The following OTOF variants were observed in gnomAD, a reference collection of about 807,000 sequenced individuals.
OTOF encodes fer-1-like family member 2.
OTOF carries 218 observed loss-of-function variants against 236.8 expected under a neutral mutation model. The observed-to-expected ratio is 0.92, with a 90% CI of 0.82 to 1.03. The LOEUF is 1.03. OTOF is among the 50% of genes least tolerant of loss of function. The pLI, the probability that OTOF is intolerant of heterozygous loss-of-function variation, is 0.00. For missense variants in OTOF, 2,590 were observed against 2,694.4 expected (o/e 0.96, Z 0.86); for synonymous variants, 1,041 against 1,072.5 (o/e 0.97, Z 0.57).
chr2:26,469,945 G>A (rs181001042), intron 32 of OTOF, among the ~76,000 whole-genome samples: 17 of 152,310 alleles, frequency 1.1e-4, no homozygotes, highest in African/African-American at 3.4e-4. Flanking sequence ...GGTAGGCAGC[G>A]TGGAGAGGAC....
chr2:26,463,615 C>G, intron 40 of OTOF, 44 bp from the exon 41 acceptor site: 1 of 1,477,044 alleles, frequency 6.8e-7, no homozygotes, highest in Non-Finnish European at 9.3e-7. Flanking sequence ...CCTTCTCCCT[C>G]TGCCCAGGAA....
Position 26,477,206 on chromosome 2 carries a change from T to C in OTOF, c.2489A>G (p.Asn830Ser). The change falls in exon 21 of 47, where the codon AAC becomes AGC. Residue 830 changes from asparagine to serine, a missense_variant. This residue lies in a region of OTOF where 1,379 missense variants were observed against 1,341.6 expected (regional missense o/e 1.03). Transcript: ENST00000272371. This position sits in a 1 kb window ranked among gnomAD's most constrained non-coding sequence, Gnocchi z 4.7. ...TVRDKLRLCQNFLQKLRFLAD... is the reference protein window; with the variant it reads ...TVRDKLRLCQSFLQKLRFLAD... ...CAGGAAGCGCAGCTTCTGCAGGAAG[T>C]TCTGGCACAGCCTCAGCTTGTCCCG... The C allele has an allele frequency of 1.9e-6, 3 of 1,610,876 alleles. No homozygotes were observed. The highest frequency in any genetic ancestry group is 2.5e-6 in the Non-Finnish European group (3 of 1,179,640).
rs1332922463 is a variant in OTOF at position 26,464,077 on chromosome 2, C to T, written c.4990G>A (p.Ala1664Thr). 2 of 1,613,538 alleles carry T rather than the reference C, an allele frequency of 1.2e-6. No homozygotes were observed. The highest frequency in any genetic ancestry group is 2.7e-5 in the African/African-American group (2 of 74,944). ...TCCCAGTGCCTCAGGGCCAACAGCG[C>T]CACATGCTCGTCTGTGGGCTTCCTC... ...GQRKPTDEHV[A>T]LLALRHWEDI... Residue 1664 changes from alanine (A) to threonine (T), a missense_variant, in exon 40 of 47, where the codon GCG becomes ACG. Around this residue, in one of 2 missense-constraint regions of OTOF, gnomAD observed 1,211 missense variants for 1,352.8 expected, o/e 0.90. Coordinates refer to ENST00000272371, the MANE Select transcript of OTOF (RefSeq NM_194248.3).
chr2:26,520,802 C>T (rs1000947588), intron 3 of OTOF, among the ~76,000 whole-genome samples: 12 of 152,148 alleles, frequency 7.9e-5, no homozygotes, highest in African/African-American at 1.9e-4. Context: ...ACCACGGGCA[C>T]GAAAAAATAC....
chr2:26,558,547 T>C lies in OTOF; in HGVS notation c.25A>G (p.Thr9Ala), dbSNP rs764457788. The change falls in exon 1 of 47, where the codon ACA becomes GCA. Residue 9 changes from threonine (T) to alanine (A), a missense_variant. Around this residue, in one of 2 missense-constraint regions of OTOF, gnomAD observed 1,379 missense variants for 1,341.6 expected, o/e 1.03. Transcript: ENST00000272371. ...CCCCTGCCCCGCAGCTCCGAGACTG[T>C]CTTGAGGTGGATGAGCAAGGCCATG... is the stretch of plus-strand genomic sequence containing the variant. MALLIHLK[T>A]VSELRGRGDR... is the part of the protein sequence containing the mutation. 5.6e-6 allele frequency: 9 copies of C among 1,613,828 alleles called. No homozygotes were observed. Among genetic ancestry groups the C allele is most frequent in the Non-Finnish European group, 7.6e-6 (9 of 1,179,912 alleles).
chr2:26,509,491 G>C (rs533971488), intron 5 of OTOF, among the ~76,000 whole-genome samples: 1 of 152,140 alleles, frequency 6.6e-6, no homozygotes, highest in Non-Finnish European at 1.5e-5. Flanking sequence ...TTGCTTGTGC[G>C]TAACAAATGC....
intron 5 of OTOF, 48 bp downstream of exon 5, chr2:26,516,370 C>A (rs1332175206): frequency 6.4e-7 from 1 of 1,561,906 alleles, no homozygotes; most frequent in East Asian, 2.2e-5. Context: ...CAGGTCTCTT[C>A]CCCGTGTCTT....
intron 1 of OTOF, among the ~76,000 whole-genome samples, chr2:26,540,202 G>A (rs943762510): frequency 6.6e-6 from 1 of 152,200 alleles, no homozygotes; most frequent in Admixed American, 6.5e-5. Context: ...AAAGTGCTGG[G>A]ATTATAGGTG....
At chr2:26,530,144 G>T (rs1666909289) in intron 2 of OTOF, among the ~76,000 whole-genome samples, 1 of 152,114 alleles carries the variant, frequency 6.6e-6, no homozygotes, top group Admixed American at 6.5e-5. Context: ...CTGAGGGTCT[G>T]TGGGTGGGAT....
In OTOF at chr2:26,460,668, G is replaced by A; in HGVS notation, c.5792C>T (p.Pro1931Leu). The part of the protein sequence containing the change: ...KNPVGLARNE[P>L]DPLEKPNRPD... ...TCACTTGGGTTTCTCTAGGGGGTCA[G>A]GTTCATTGCGGGCCAGGCCCACTGG... The change falls in exon 45 of 47, where the codon CCT becomes CTT. Residue 1931 changes from proline (P) to leucine (L), a missense_variant. By Grantham distance (98) the Pro-to-Leu change is moderately conservative. This residue lies in a region of OTOF where 1,211 missense variants were observed against 1,352.8 expected (regional missense o/e 0.90). Transcript: ENST00000272371. The surrounding 1 kb of genome is among the most constrained non-coding windows in gnomAD (Gnocchi z 5.3). The A allele has an allele frequency of 6.2e-7, 1 of 1,614,044 alleles. No individual in the cohort carries two copies. Among genetic ancestry groups the A allele is most frequent in the Non-Finnish European group, 8.5e-7 (1 of 1,179,928 alleles).
chr2:26,501,834 C>A (rs1024038495), intron 7 of OTOF, 26 bp from the exon 8 acceptor site: 1 of 1,592,878 alleles, frequency 6.3e-7, no homozygotes, highest in Admixed American at 1.7e-5. Context: ...TACCATCAGG[C>A]CTGGGGTATG....
At chr2:26,518,101 T>C (rs1251778531) in intron 4 of OTOF, among the ~76,000 whole-genome samples, 1 of 152,192 alleles carries the variant, frequency 6.6e-6, no homozygotes, top group Non-Finnish European at 1.5e-5. Flanking sequence ...GTGGCTGCAG[T>C]CCTGGCTTCT....
At chr2:26,475,298 G>A in intron 25 of OTOF, 61 bp downstream of exon 25, 1 of 1,589,356 alleles carries the variant, frequency 6.3e-7, no homozygotes, top group Non-Finnish European at 8.6e-7. Flanking sequence ...CAGGTGGAGT[G>A]CAGGGAACAA....
Position 26,558,563 on chromosome 2 carries a change from C to G in OTOF, c.9G>C (p.Leu3Phe), listed in dbSNP as rs779861554. Residue 3 changes from leucine (L) to phenylalanine (F), a missense_variant, in exon 1 of 47, where the codon TTG (leucine) becomes TTC (phenylalanine). Coordinates refer to ENST00000272371, the MANE Select transcript of OTOF (RefSeq NM_194248.3). MA[L>F]LIHLKTVSEL... ...CCGAGACTGTCTTGAGGTGGATGAG[C>G]AAGGCCATGCTGGTGTGGGCTGCCT... is the stretch of plus-strand genomic sequence containing the variant. The G allele has an allele frequency of 6.2e-7, 1 of 1,613,920 alleles. No homozygotes were observed. The highest frequency in any genetic ancestry group is 8.5e-7 in the Non-Finnish European group (1 of 1,179,898).
intron 32 of OTOF, among the ~76,000 whole-genome samples, chr2:26,468,700 C>T (rs1304028389): frequency 6.6e-6 from 1 of 152,200 alleles, no homozygotes; most frequent in Non-Finnish European, 1.5e-5. Flanking sequence ...GGCACATATA[C>T]ACCATGGAAT....
intron 26 of OTOF, 34 bp downstream of exon 26, chr2:26,474,479 C>A (rs1462288805): frequency 2.6e-6 from 4 of 1,560,328 alleles, no homozygotes; most frequent in Non-Finnish European, 3.5e-6. Flanking sequence ...GCCTCCAGTC[C>A]CCAGGCCTCA....
Position 26,463,949 on chromosome 2 carries a change from C to CCATG in OTOF, c.5103+11_5103+14dup. 6.2e-7 allele frequency: 1 copy of CCATG among 1,613,824 alleles called. No individual in the cohort carries two copies. The highest frequency in any genetic ancestry group is 8.5e-7 in the Non-Finnish European group (1 of 1,180,022). ...CAATACCCAAGAACCCCAGTCTTGGCCATGCAAGTGTCACCTGCTCGATGC... is the reference window on the plus strand; with the variant it reads ...CAATACCCAAGAACCCCAGTCTTGGCCATGCATGCAAGTGTCACCTGCTCGATGC... On this transcript the variant is annotated intron_variant, in intron 40 of 46. Transcript: ENST00000272371.
intron 1 of OTOF, among the ~76,000 whole-genome samples, chr2:26,557,830 A>G (rs1168342990): frequency 2.6e-5 from 4 of 151,444 alleles, no homozygotes; most frequent in African/African-American, 9.7e-5. Flanking sequence ...CCTGCCCAAC[A>G]GATGCAGGCT....
chr2:26,464,797 A>G (rs1047274977), intron 39 of OTOF, 72 bp downstream of exon 39: 2 of 1,441,302 alleles, frequency 1.4e-6, no homozygotes, highest in Non-Finnish European at 1.9e-6. Flanking sequence ...TTCCCCAGGG[A>G]AGTGTGGGCC....
Sources: gnomAD v4.1 joint callset for allele counts (sites outside exome capture counted in the v4.1 genomes callset) on GRCh38, gnomAD v4.1.1 for gene constraint, gnomAD v4.1.1 regional missense constraint, Gnocchi (gnomAD v3.1) non-coding constraint, MANE v1.5 for transcripts, NCBI Gene and HGNC (gene_info 2026-07-23, HGNC 2026-07-21) for gene names.